TINCR: variants seen among roughly 807,000 people sequenced by gnomAD.
TINCR encodes TINCR ubiquitin domain containing, also known as TINCR-encoded ubiquitin-like protein.
At position 5,563,016 on chromosome 19, in the gene TINCR, GGGAACAGCATTCCAGGCTGAA is replaced by G. The variant is rs944147101; in HGVS notation, c.261-88_261-68del. The stretch of plus-strand genomic sequence containing the variant: ...GGAAGAGAGGGAGTTGGGGACCTGA[GGGAACAGCATTCCAGGCTGAA>G]GGAACAGCCTGTCCAGAGGCTCTGA... On this transcript the variant is annotated intron_variant, in intron 1 of 1. Coordinates refer to ENST00000646160, the Ensembl canonical transcript of TINCR. This position sits in a 1 kb window ranked among gnomAD's most constrained non-coding sequence, Gnocchi z 4.7. 29 of 152,344 alleles carry G rather than the reference GGGAACAGCATTCCAGGCTGAA, an allele frequency of 1.9e-4. No individual in the cohort carries two copies. Among genetic ancestry groups the G allele is most frequent in the African/African-American group, 6.8e-4 (28 of 41,394 alleles). The allele number at this position is 152,344 out of a possible 1,614,324, so 9.4% of individuals were successfully genotyped here.
At chr19:5,559,539 G>T (rs1245514451), downstream of TINCR, 3 of 152,140 alleles carry the variant, frequency 2.0e-5, no homozygotes, top group East Asian at 5.8e-4. Flanking sequence ...GTTTCACCGT[G>T]TTAGCCAGGA....
chr19:5,558,436 G>C (rs2052082434), downstream of TINCR: 1 of 152,350 alleles, frequency 6.6e-6, no homozygotes, highest in Non-Finnish European at 1.5e-5. Flanking sequence ...GGATGAATAG[G>C]AGCTTGCCAA....
In TINCR at chr19:5,565,025, C is replaced by T. The variant is rs570330390; in HGVS notation, c.261-2076G>A. Among the ~76,000 whole-genome samples, 29 of 152,148 alleles carry T rather than the reference C, an allele frequency of 1.9e-4. No individual in the cohort carries two copies. Among genetic ancestry groups the T allele is most frequent in the Admixed American group, 3.9e-4 (6 of 15,278 alleles). Reference sequence around the variant, plus strand: ...GTTGCCTGTGAGCATTGAGTCAGGTCCCGTCCCTCCTCTGCCCACAGCCCT... The same window carrying T: ...GTTGCCTGTGAGCATTGAGTCAGGTTCCGTCCCTCCTCTGCCCACAGCCCT... On this transcript the variant is annotated intron_variant, in intron 1 of 1. Coordinates refer to ENST00000646160, the Ensembl canonical transcript of TINCR. The surrounding 1 kb of genome is among the most constrained non-coding windows in gnomAD (Gnocchi z 4.0).
In TINCR at chr19:5,566,545, G is replaced by A. The variant is rs959196057; in HGVS notation, c.260+1120C>T. Among the ~76,000 whole-genome samples, 5 of 149,298 alleles carry A rather than the reference G, an allele frequency of 3.3e-5. No individual in the cohort carries two copies. In the South Asian group the frequency reaches 6.5e-4, roughly 19 times the overall value. On this transcript the variant is annotated intron_variant, in intron 1 of 1. Transcript: ENST00000646160. ...CACAGAGACACAGAGAGAGATGCGC[G>A]CACACACAGACAGAACTGGACAGGG...
rs1252961121 is a variant in TINCR at position 5,565,861 on chromosome 19, T to C, written c.260+1804A>G. ...GTAATTCACATGGCCCCCGTCCCTC[T>C]CCTGTTCAATGCTTCCAAGGAGGTG... On this transcript the variant is annotated intron_variant, in intron 1 of 1. Coordinates refer to ENST00000646160, the Ensembl canonical transcript of TINCR. This position sits in a 1 kb window ranked among gnomAD's most constrained non-coding sequence, Gnocchi z 4.0. Among the ~76,000 whole-genome samples, 2 of 152,102 alleles carry C rather than the reference T, an allele frequency of 1.3e-5. No individual in the cohort carries two copies. The highest frequency in any genetic ancestry group is 3.9e-4 in the East Asian group (2 of 5,194).
In TINCR at chr19:5,563,523, G is replaced by A. The variant is rs1599203261; in HGVS notation, c.261-574C>T. Among the ~76,000 whole-genome samples, 3 of 152,320 alleles carry A rather than the reference G, an allele frequency of 2.0e-5. No homozygotes were observed. Among genetic ancestry groups the A allele is most frequent in the Admixed American group, 1.3e-4 (2 of 15,304 alleles). On this transcript the variant is annotated intron_variant, in intron 1 of 1. Coordinates refer to ENST00000646160, the Ensembl canonical transcript of TINCR. The surrounding 1 kb of genome is among the most constrained non-coding windows in gnomAD (Gnocchi z 4.7). ...TGGAGCAGGGAGAAGGTTTAGTGAT[G>A]AAGGGCGTGGCTTTAAAGCTGGGTT... is the stretch of plus-strand genomic sequence containing the variant.
chr19:5,558,874 A>G (rs1007670679), downstream of TINCR: 1 of 152,164 alleles, frequency 6.6e-6, no homozygotes, highest in African/African-American at 2.4e-5. Context: ...GAGGTCTTGG[A>G]CAAATGATGT....
rs1292567201 is a variant in TINCR, at chr19:5,563,182, G to A, written c.261-233C>T. On this transcript the variant is annotated intron_variant, in intron 1 of 1. Transcript: ENST00000646160. This position sits in a 1 kb window ranked among gnomAD's most constrained non-coding sequence, Gnocchi z 4.7. ...GTCTTGCAAGCCTCAGGAAGGACTT[G>A]GGCTTTGACCCTGAGGGAGGTGGGA... 6.6e-6 allele frequency among the ~76,000 whole-genome samples: 1 copy of A among 151,998 alleles called. No homozygotes were observed. The highest frequency in any genetic ancestry group is 2.4e-5 in the African/African-American group (1 of 41,408).
chr19:5,566,832 G>C (rs1047590203), intron 1 of TINCR, among the ~76,000 whole-genome samples: 4 of 151,722 alleles, frequency 2.6e-5, no homozygotes, highest in Non-Finnish European at 4.4e-5. Flanking sequence ...AAAAAGCAGA[G>C]ACCAAAATGG....
At position 5,567,649 on chromosome 19, in the gene TINCR, C is replaced by CCCCCCCCCCCCCCCCCCCCCGGGGGGGG; in HGVS notation, c.260+15_260+16insCCCCCCCCGGGGGGGGGGGGGGGGGGGG. On this transcript the variant is annotated intron_variant, in intron 1 of 1. Transcript: ENST00000646160. ...CCGCCGCCCCCGCCCCACCCCACCC[C>CCCCCCCCCCCCCCCCCCCCCGGGGGGGG]GAGCCCCGCGGCCACCTGGGGTCGC... The CCCCCCCCCCCCCCCCCCCCCGGGGGGGG allele has an allele frequency of 5.7e-6, 2 of 350,310 alleles. No homozygotes were observed. The highest frequency in any genetic ancestry group is 1.0e-5 in the Non-Finnish European group (2 of 196,746). The allele number at this position is 350,310 out of a possible 1,614,324, so 21.7% of individuals were successfully genotyped here.
At chr19:5,564,268 T>G (rs552529425) in intron 1 of TINCR, among the ~76,000 whole-genome samples, 1 of 152,256 alleles carries the variant, frequency 6.6e-6, no homozygotes, top group East Asian at 1.9e-4. Flanking sequence ...CCCAAGTGTT[T>G]TTCTCATTTC....
downstream of TINCR, chr19:5,558,260 T>C (rs2052081474): frequency 6.6e-6 from 1 of 152,116 alleles, no homozygotes; most frequent in African/African-American, 2.4e-5. Flanking sequence ...GCCCCAAAGG[T>C]AGTGATGACT....
At position 5,565,101 on chromosome 19, in the gene TINCR, C is replaced by T. The variant is rs1024063542; in HGVS notation, c.261-2152G>A. ...CAAGGCCCAAGTCCTCCCTGCAGTC[C>T]GCAAGGCCCTGCATGAACTGCCCTG... On this transcript the variant is annotated intron_variant, in intron 1 of 1. Coordinates refer to ENST00000646160, the Ensembl canonical transcript of TINCR. This position sits in a 1 kb window ranked among gnomAD's most constrained non-coding sequence, Gnocchi z 4.0. 1.3e-5 allele frequency among the ~76,000 whole-genome samples: 2 copies of T among 152,168 alleles called. No individual in the cohort carries two copies. Among genetic ancestry groups the T allele is most frequent in the African/African-American group, 2.4e-5 (1 of 41,452 alleles).
At chr19:5,566,562 TGGACAGGGACACAG>T (rs1303141464) in intron 1 of TINCR, among the ~76,000 whole-genome samples, 5 of 128,228 alleles carry the variant, frequency 3.9e-5, no homozygotes, top group Non-Finnish European at 8.2e-5. Context: ...CAGACAGAAC[TGGACAGGGACACAG>T]AGACAGAGAC....
At chr19:5,562,628 G>A (rs982883194), downstream of TINCR, 4 of 152,130 alleles carry the variant, frequency 2.6e-5, no homozygotes, top group Admixed American at 6.6e-5. This position sits in a 1 kb window ranked among gnomAD's most constrained non-coding sequence, Gnocchi z 4.4. Context: ...AAGAGAGAAA[G>A]CAGGGATGGC....
rs957224839 is a variant in TINCR, at chr19:5,565,642, T to G, written c.260+2023A>C. Among the ~76,000 whole-genome samples, 1 of 151,908 alleles carries G rather than the reference T, an allele frequency of 6.6e-6. No homozygotes were observed. The highest frequency in any genetic ancestry group is 2.4e-5 in the African/African-American group (1 of 41,354). On this transcript the variant is annotated intron_variant, in intron 1 of 1. Coordinates refer to ENST00000646160, the Ensembl canonical transcript of TINCR. The surrounding 1 kb of genome is among the most constrained non-coding windows in gnomAD (Gnocchi z 4.0). ...AGCTCTGAACCTCCATCCCTCATCA[T>G]CCTCTCAGCCTCCCCGTCCCCGCTA...
chr19:5,567,758 A>G (rs1191597770), exon 1 of TINCR: 3 of 392,688 alleles, frequency 7.6e-6, no homozygotes, highest in African/African-American at 6.2e-5. Flanking sequence ...GTTGTAGTAG[A>G]AGGCGCGCTT....
At chr19:5,560,565 A>C (rs2052096236), downstream of TINCR, 1 of 152,290 alleles carries the variant, frequency 6.6e-6, no homozygotes, top group Admixed American at 6.5e-5. The surrounding 1 kb of genome is among the most constrained non-coding windows in gnomAD (Gnocchi z 4.5). Flanking sequence ...CGGAATTCCC[A>C]CAACGCACTC....
downstream of TINCR, chr19:5,562,550 T>C (rs1434333663): frequency 1.3e-5 from 2 of 152,208 alleles, no homozygotes; most frequent in Admixed American, 1.3e-4. The surrounding 1 kb of genome is among the most constrained non-coding windows in gnomAD (Gnocchi z 4.4). Context: ...GTTTACAGTC[T>C]ACTGCAGGAG....
Sources: allele counts gnomAD v4.1 joint callset (sites outside exome capture counted in the v4.1 genomes callset), GRCh38; gene constraint gnomAD v4.1.1; non-coding constraint Gnocchi (gnomAD v3.1); transcripts MANE v1.5; gene names NCBI Gene and HGNC (gene_info 2026-07-23, HGNC 2026-07-21).